The following JAK1 variants were observed in gnomAD, a reference collection of about 807,000 sequenced individuals.
JAK1 encodes the protein Janus kinase 1.
JAK1 carries 16 observed loss-of-function variants against 136.6 expected under a neutral mutation model. The ratio of observed to expected loss-of-function variants is 0.12; its 90% CI spans 0.08 to 0.18. JAK1 has a LOEUF of 0.18. Ranked by LOEUF, JAK1 falls within the 10% of genes least tolerant of loss-of-function variation. The probability of loss-of-function intolerance (pLI) is 1.00; values close to 1 mark genes in which losing one functional copy is unlikely to be tolerated. For missense variants in JAK1, 859 were observed against 1,450.1 expected (o/e 0.59, Z 6.62); for synonymous variants, 492 against 519.5 (o/e 0.95, Z 0.72).
chr1:64,936,251 A>G (rs1645787310), intron 1 of JAK1, among the ~76,000 whole-genome samples: 1 of 152,210 alleles, frequency 6.6e-6, no homozygotes, highest in African/African-American at 2.4e-5. Context: ...CTCCTCCTCC[A>G]TGGCAATAAC....
At chr1:65,063,786 CAGAG>C (rs1204492603) in intron 1 of JAK1, among the ~76,000 whole-genome samples, 2 of 113,904 alleles carry the variant, frequency 1.8e-5, no homozygotes, top group Middle Eastern at 9.3e-3. Context: ...GCCTGGAAGA[CAGAG>C]AGAGACTCTA....
At chr1:64,854,872 C>G (rs1248856075) in intron 11 of JAK1, among the ~76,000 whole-genome samples, 1 of 152,126 alleles carries the variant, frequency 6.6e-6, no homozygotes, top group African/African-American at 2.4e-5. Flanking sequence ...TTTGCACGTG[C>G]CGAGATGCCC....
chr1:64,932,191 G>T (rs948762655), intron 1 of JAK1, among the ~76,000 whole-genome samples: 3 of 150,608 alleles, frequency 2.0e-5, no homozygotes, highest in Non-Finnish European at 4.4e-5. Flanking sequence ...GAGGTGGGGG[G>T]ATCACGAGTT....
chr1:65,021,513 C>T (rs1478932967), intron 2 of JAK1, among the ~76,000 whole-genome samples: 1 of 152,160 alleles, frequency 6.6e-6, no homozygotes, highest in African/African-American at 2.4e-5. Flanking sequence ...GAGACCCAAA[C>T]TTCGTTGCGT....
intron 1 of JAK1, among the ~76,000 whole-genome samples, chr1:64,895,650 GCA>G (rs1645003037): frequency 6.6e-6 from 1 of 152,154 alleles, no homozygotes; most frequent in African/African-American, 2.4e-5. Flanking sequence ...CAACGCATAT[GCA>G]CAGTCTTCAT....
rs1221189818 is a variant in JAK1 at position 64,834,555 on chromosome 1, A to C, written c.*7T>G. 2.6e-6 allele frequency: 4 copies of C among 1,557,786 alleles called. No homozygotes were observed. The highest frequency in any genetic ancestry group is 1.1e-5 in the South Asian group (1 of 89,328). On this transcript the variant is annotated 3_prime_UTR_variant, in exon 25 of 25. Coordinates refer to ENST00000342505, the MANE Select transcript of JAK1 (RefSeq NM_002227.4). ...AATCTGTGGAATTTAAATGTTATTCATGCTTCTTATTTTAAAAGTGCTTCA... is the reference window on the plus strand; with the variant it reads ...AATCTGTGGAATTTAAATGTTATTCCTGCTTCTTATTTTAAAAGTGCTTCA...
intron 6 of JAK1, 93 bp from the exon 7 acceptor site, chr1:64,867,301 G>T: frequency 2.2e-6 from 2 of 892,464 alleles, no homozygotes; most frequent in Non-Finnish European, 3.4e-6. Flanking sequence ...TCCACATGTT[G>T]CCAAATGGGA....
intron 1 of JAK1, among the ~76,000 whole-genome samples, chr1:65,049,250 T>A (rs1647222466): frequency 6.6e-6 from 1 of 152,120 alleles, no homozygotes. Flanking sequence ...AGAGAGATCC[T>A]GTCTCTACAG....
At chr1:64,886,411 A>G (rs1269018009) in intron 1 of JAK1, 70 bp from the exon 2 acceptor site, 3 of 861,458 alleles carry the variant, frequency 3.5e-6, no homozygotes, top group Non-Finnish European at 5.0e-6. Flanking sequence ...GGGCATTTTC[A>G]TTAAGGAAGC....
intron 1 of JAK1, among the ~76,000 whole-genome samples, chr1:64,940,632 A>T (rs1391374344): frequency 6.6e-6 from 1 of 152,092 alleles, no homozygotes; most frequent in African/African-American, 2.4e-5. Context: ...TCAATTTCTT[A>T]AAAAATGAAG....
At chr1:64,838,715 G>A (rs1654651677) in intron 20 of JAK1, 126 bp from the exon 21 acceptor site, 2 of 839,116 alleles carry the variant, frequency 2.4e-6, no homozygotes, top group African/African-American at 1.7e-5. Context: ...TTACAGGCAT[G>A]TTACTTGACC....
intron 1 of JAK1, among the ~76,000 whole-genome samples, chr1:65,060,974 T>A (rs1230245220): frequency 6.6e-6 from 1 of 152,176 alleles, no homozygotes; most frequent in Non-Finnish European, 1.5e-5. Context: ...GTAAAATGCT[T>A]TCTTCCAGGA....
intron 1 of JAK1, among the ~76,000 whole-genome samples, chr1:64,925,790 AG>A (rs1263704740): frequency 2.6e-5 from 4 of 152,154 alleles, no homozygotes; most frequent in African/African-American, 9.7e-5. Flanking sequence ...GAACTAAATG[AG>A]GCCCAAACAC....
chr1:65,060,941 T>C (rs1385774774), intron 1 of JAK1, among the ~76,000 whole-genome samples: 1 of 152,174 alleles, frequency 6.6e-6, no homozygotes, highest in Non-Finnish European at 1.5e-5. Context: ...AACTGCATAC[T>C]AAGGAAGAGA....
In JAK1 at chr1:64,855,682, T is replaced by C. The variant is rs752402320; in HGVS notation, c.1475A>G (p.Gln492Arg). The change falls in exon 11 of 25, where the codon CAG becomes CGG. Residue 492 changes from glutamine (Q) to arginine (R), a missense_variant. By Grantham distance (43) the Gln-to-Arg change is conservative (BLOSUM62 1). This residue lies in a region of JAK1 where 409 missense variants were observed against 753.8 expected (regional missense o/e 0.54). Transcript: ENST00000342505. The part of the protein sequence containing the change: ...FEKSEQVQGA[Q>R]KQFKNFQIEV... Reference sequence around the variant, plus strand: ...GATCTGAAAGTTCTTGAACTGCTTCTGGGCACCCTGCACCTGCTATTCGGG... The same window carrying C: ...GATCTGAAAGTTCTTGAACTGCTTCCGGGCACCCTGCACCTGCTATTCGGG... The C allele has an allele frequency of 1.2e-5, 19 of 1,613,392 alleles. No individual in the cohort carries two copies. The highest frequency in any genetic ancestry group is 1.6e-5 in the Non-Finnish European group (19 of 1,179,452).
At chr1:64,974,141 G>T (rs1646478255) in intron 2 of JAK1, 1 of 152,016 alleles carries the variant, frequency 6.6e-6, no homozygotes, top group South Asian at 2.1e-4. Context: ...ATTTGGTATG[G>T]GTATCACACA....
Position 64,997,583 on chromosome 1 carries a change from G to A in JAK1, c.-78+46897C>T, listed in dbSNP as rs568312979. Among the ~76,000 whole-genome samples, 15 of 152,264 alleles carry A rather than the reference G, an allele frequency of 9.9e-5. No individual in the cohort carries two copies. In the South Asian group the frequency reaches 1.0e-3, roughly 11 times the overall value. ...GATATTTCACTGTCCTTAGAGCCAC[G>A]CTGGGATTAGCTTTGGGTATGAGAG... On this transcript the variant is annotated intron_variant, in intron 2 of 25. Coordinates refer to the JAK1 transcript ENST00000671954.
At chr1:65,038,261 C>A (rs571262855) in intron 2 of JAK1, among the ~76,000 whole-genome samples, 5 of 148,750 alleles carry the variant, frequency 3.4e-5, no homozygotes, top group African/African-American at 7.5e-5. Flanking sequence ...TACAATGGCG[C>A]GATCTCAGCT....
intron 2 of JAK1, among the ~76,000 whole-genome samples, chr1:65,031,674 G>C (rs1647024868): frequency 6.6e-6 from 1 of 152,164 alleles, no homozygotes; most frequent in Admixed American, 6.5e-5. Flanking sequence ...GGTTATATAA[G>C]AGAATGTCCT....
Sources: gnomAD v4.1 joint callset for allele counts (sites outside exome capture counted in the v4.1 genomes callset) on GRCh38, gnomAD v4.1.1 for gene constraint, gnomAD v4.1.1 regional missense constraint, MANE v1.5 for transcripts, NCBI Gene and HGNC (gene_info 2026-07-23, HGNC 2026-07-21) for gene names.